The following ALS2CL variants were observed in gnomAD, a reference collection of about 807,000 sequenced individuals.
The protein encoded by ALS2CL is ALS2 C-terminal-like protein.
A neutral mutation model predicts 127.9 loss-of-function variants in ALS2CL; 112 were observed. The observed-to-expected ratio is 0.88, with a 90% confidence interval of 0.75 to 1.02. ALS2CL has a LOEUF of 1.02. ALS2CL is among the 50% of genes least tolerant of loss of function. The pLI is 0.00. For synonymous variants in ALS2CL, 519 were observed against 527.6 expected, an observed-to-expected ratio of 0.98 and a Z score of 0.22; for missense variants, 1,174 against 1,236.7, an observed-to-expected ratio of 0.95 and a Z score of 0.76.
intron 14 of ALS2CL, chr3:46,679,833 A>G (rs1699178940): frequency 6.4e-6 from 1 of 155,484 alleles, no homozygotes; most frequent in African/African-American, 2.4e-5. Context: ...TAACAGGAAC[A>G]GCCATCAGGC....
intron 3 of ALS2CL, among the ~76,000 whole-genome samples, 200 bp from the exon 4 acceptor site, chr3:46,687,884 G>A (rs1268847822): frequency 1.3e-5 from 2 of 152,188 alleles, no homozygotes; most frequent in Non-Finnish European, 2.9e-5. Flanking sequence ...TTCCCTGAGA[G>A]GCCCCAAGCC....
chr3:46,673,346 C>T lies in ALS2CL; in HGVS notation c.2465G>A (p.Ser822Asn). The T allele has an allele frequency of 6.4e-7, 1 of 1,565,290 alleles. No individual in the cohort carries two copies. The highest frequency in any genetic ancestry group is 8.7e-7 in the Non-Finnish European group (1 of 1,154,676). ...LWPLKDLTLT[S>N]NQRYSLVRDK... is the part of the protein sequence containing the mutation. ...CTCTGGCCTCCCTCTCACCTGATTG[C>T]TCGTCAGCGTGAGGTCCTTGAGGGG... The change falls in exon 22 of 26, where the codon AGC becomes AAC. Residue 822 changes from serine (S) to asparagine (N), a missense_variant. Coordinates refer to ENST00000318962, the MANE Select transcript of ALS2CL (RefSeq NM_147129.5).
At position 46,686,588 on chromosome 3, in the gene ALS2CL, G is replaced by A. The variant is rs769673909; in HGVS notation, c.535-149C>T. ...CTCCTCTTCTGCTGGTGGGGCAGGG[G>A]GTGGAATATGAAGGTGCTTCCCCAG... On this transcript the variant is annotated intron_variant, in intron 5 of 25. Coordinates refer to ENST00000318962, the MANE Select transcript of ALS2CL (RefSeq NM_147129.5). This position sits in a 1 kb window ranked among gnomAD's most constrained non-coding sequence, Gnocchi z 4.3. 3.5e-5 allele frequency: 41 copies of A among 1,178,696 alleles called. 1 individual carries two copies. Among genetic ancestry groups the A allele is most frequent in the Non-Finnish European group, 4.6e-5 (39 of 854,764 alleles). The allele number at this position is 1,178,696 out of a possible 1,614,324, so 73.0% of individuals were successfully genotyped here. A position where few individuals can be genotyped will look rare whatever the true frequency, so the allele number is the denominator to read the frequency against.
intron 16 of ALS2CL, 91 bp from the exon 17 acceptor site, chr3:46,677,113 T>C: frequency 1.3e-6 from 2 of 1,502,076 alleles, no homozygotes; most frequent in Non-Finnish European, 1.8e-6. Flanking sequence ...GGGGTGGGGG[T>C]ATGAGCCTGG....
In ALS2CL at chr3:46,681,148, A is replaced by C; in HGVS notation, c.1436+98T>G. On this transcript the variant is annotated intron_variant, in intron 13 of 25. Transcript: ENST00000318962. The surrounding 1 kb of genome is among the most constrained non-coding windows in gnomAD (Gnocchi z 4.9). ...GAAGTGAGGGGCTTAAGAGAGACAC[A>C]GTGGGGGACAAACAGGAGCCTGTGT... The C allele has an allele frequency of 1.3e-6, 2 of 1,559,396 alleles. No individual in the cohort carries two copies. The highest frequency in any genetic ancestry group is 8.8e-7 in the Non-Finnish European group (1 of 1,133,132).
Position 46,676,919 on chromosome 3 carries a change from C to T in ALS2CL, c.1861G>A (p.Ala621Thr), listed in dbSNP as rs759503434. 10 of 1,613,700 alleles carry T rather than the reference C, an allele frequency of 6.2e-6. No homozygotes were observed. Among genetic ancestry groups the T allele is most frequent in the Admixed American group, 3.3e-5 (2 of 60,026 alleles). ...CTCTGCACGTCGAAGCCCAGCAGGG[C>T]CTCCTGCAGGTCCCTGGGGCAGCCA... ...CAGCPRDLQE[A>T]LLGFDVQSSR... The change falls in exon 17 of 26, where the codon GCC (alanine) becomes ACC (threonine). Residue 621 changes from alanine (A) to threonine (T), a missense_variant. Coordinates refer to ENST00000318962, the MANE Select transcript of ALS2CL (RefSeq NM_147129.5).
intron 1 of ALS2CL, among the ~76,000 whole-genome samples, chr3:46,691,173 G>C (rs568311116): frequency 6.6e-6 from 1 of 152,320 alleles, no homozygotes; most frequent in South Asian, 2.1e-4. Flanking sequence ...TAGGGGTGCA[G>C]CCAGGCCCAC....
intron 10 of ALS2CL, among the ~76,000 whole-genome samples, chr3:46,682,798 C>T (rs190251017): frequency 3.5e-4 from 54 of 152,308 alleles, no homozygotes; most frequent in South Asian, 6.2e-4. Context: ...AGAATGTGTG[C>T]AAGCCATTTC....
rs779862439 is a variant in ALS2CL, at chr3:46,676,735, G to A, written c.1935C>T (p.Thr645=). ...TACTGCCCACACTGTCCTCAGGGTG[G>A]GTCCTGGGCACCACACACAGCATCC... is the stretch of plus-strand genomic sequence containing the variant. ...RSQDYLSCER[T]HPEDSVGSME... is the part of the protein sequence containing the mutation. Residue 645 remains threonine, a synonymous_variant, in exon 18 of 26, where the codon ACC becomes ACT. Transcript: ENST00000318962. The A allele has an allele frequency of 3.1e-6, 5 of 1,613,592 alleles. No individual in the cohort carries two copies. The highest frequency in any genetic ancestry group is 1.7e-5 in the Admixed American group (1 of 60,004).
rs1399910018 is a variant in ALS2CL at position 46,669,501 on chromosome 3, C to T, written c.*1483G>A. On this transcript the variant is annotated 3_prime_UTR_variant, in exon 26 of 26. Transcript: ENST00000318962. ...TTTGAGGCCAGGGTCAGGCTGTCCT[C>T]ACTTATCAGGGGACAAGAGCTGGCT... 9 of 152,322 alleles carry T rather than the reference C, an allele frequency of 5.9e-5. 1 individual carries two copies. The East Asian group carries it at 1.7e-3, about 29-fold the overall frequency. 9.4% of individuals were successfully genotyped at this position (152,322 alleles called of 1,614,324 possible).
chr3:46,675,852 T>A, intron 19 of ALS2CL, 166 bp from the exon 20 acceptor site: 2 of 1,457,226 alleles, frequency 1.4e-6, no homozygotes, highest in Non-Finnish European at 1.8e-6. Context: ...AGCTCCAGGA[T>A]GTTAGCCTGA....
intron 10 of ALS2CL, 83 bp from the exon 11 acceptor site, chr3:46,682,177 C>T (rs903242263): frequency 7.0e-7 from 1 of 1,430,542 alleles, no homozygotes; most frequent in Non-Finnish European, 9.7e-7. Context: ...GACGCCCTCC[C>T]TTCCTCTTCC....
In ALS2CL at chr3:46,678,290, G is replaced by A; in HGVS notation, c.1726C>T (p.Leu576Phe). Residue 576 changes from leucine to phenylalanine, a missense_variant, in exon 16 of 26, where the codon CTC becomes TTC. Transcript: ENST00000318962. ...HTQGVLDTAA[L>F]PPDPSSTCKR... ...CAGGTACTGCTCGGGTCTGGTGGGAGGGCAGCCGTGTCCAGCACACCCTGT... is the reference window on the plus strand; with the variant it reads ...CAGGTACTGCTCGGGTCTGGTGGGAAGGCAGCCGTGTCCAGCACACCCTGT... The A allele has an allele frequency of 2.5e-6, 4 of 1,605,554 alleles. No individual in the cohort carries two copies. The highest frequency in any genetic ancestry group is 3.4e-6 in the Non-Finnish European group (4 of 1,173,682).
At chr3:46,680,332 C>A in intron 14 of ALS2CL, 98 bp downstream of exon 14, 5 of 1,317,228 alleles carry the variant, frequency 3.8e-6, no homozygotes, top group Non-Finnish European at 5.3e-6. Context: ...ACACAGCCCC[C>A]TTTCCCATCC....
chr3:46,685,496 T>A lies in ALS2CL; in HGVS notation c.786+29A>T, dbSNP rs758716704. 3.1e-6 allele frequency: 5 copies of A among 1,610,532 alleles called. No homozygotes were observed. In the South Asian group the frequency reaches 5.5e-5, roughly 18 times the overall value. ...CAGACCCCAGAACCCTACTGTGGCCTCAAGACCTTGGGTCAGCCCCACCCC... is the reference window on the plus strand; with the variant it reads ...CAGACCCCAGAACCCTACTGTGGCCACAAGACCTTGGGTCAGCCCCACCCC... On this transcript the variant is annotated intron_variant, in intron 7 of 25. Coordinates refer to ENST00000318962, the MANE Select transcript of ALS2CL (RefSeq NM_147129.5).
chr3:46,687,217 CCTG>C (rs1443027592), intron 4 of ALS2CL, 69 bp from the exon 5 acceptor site: 52 of 1,435,934 alleles, frequency 3.6e-5, no homozygotes, highest in Non-Finnish European at 4.7e-5. Context: ...CCGCCACCTC[CCTG>C]CCCCAGCTAA....
In ALS2CL at chr3:46,669,639, G is replaced by A. The variant is rs529597993; in HGVS notation, c.*1345C>T. ...CCACCCCCTTCCTGGGGGTGTCACA[G>A]GCTCCTGGCAGAACCAGAGCCCATG... On this transcript the variant is annotated 3_prime_UTR_variant, in exon 26 of 26. Transcript: ENST00000318962. The A allele has an allele frequency of 1.3e-5, 2 of 152,266 alleles. No homozygotes were observed. Among genetic ancestry groups the A allele is most frequent in the Non-Finnish European group, 2.9e-5 (2 of 68,080 alleles). The allele number at this position is 152,266 out of a possible 1,614,324, so 9.4% of individuals were successfully genotyped here.
rs1699362326 is a variant in ALS2CL at position 46,681,654 on chromosome 3, C to G, written c.1176-56G>C. 4 of 1,560,136 alleles carry G rather than the reference C, an allele frequency of 2.6e-6. No homozygotes were observed. Among genetic ancestry groups the G allele is most frequent in the East Asian group, 4.5e-5 (2 of 44,436 alleles). ...GCCCTGACCTGAGACGCCCATTACACCTACTCCATGCCACCCAGGAGTATC... is the reference window on the plus strand; with the variant it reads ...GCCCTGACCTGAGACGCCCATTACAGCTACTCCATGCCACCCAGGAGTATC... On this transcript the variant is annotated intron_variant, in intron 11 of 25. Coordinates refer to ENST00000318962, the MANE Select transcript of ALS2CL (RefSeq NM_147129.5). The surrounding 1 kb of genome is among the most constrained non-coding windows in gnomAD (Gnocchi z 4.9).
Position 46,687,082 on chromosome 3 carries a change from C to G in ALS2CL, c.435G>C (p.Ser145=), listed in dbSNP as rs776047647. ...QLLSGVSSEG[S]VGASLGQALH... is the part of the protein sequence containing the mutation. ...GGGCCTGGCCCAGCGATGCGCCCAC[C>G]GAGCCCTCTGAGCTCACACCTGAAA... is the stretch of plus-strand genomic sequence containing the variant. The change falls in exon 5 of 26, where the codon TCG becomes TCC. Residue 145 remains serine, a synonymous_variant. Transcript: ENST00000318962. 1 of 1,592,002 alleles carries G rather than the reference C, an allele frequency of 6.3e-7. No individual in the cohort carries two copies. The highest frequency in any genetic ancestry group is 8.5e-7 in the Non-Finnish European group (1 of 1,176,008).
Sources: allele counts gnomAD v4.1 joint callset (sites outside exome capture counted in the v4.1 genomes callset), GRCh38; gene constraint gnomAD v4.1.1; non-coding constraint Gnocchi (gnomAD v3.1); transcripts MANE v1.5; gene names NCBI Gene and HGNC (gene_info 2026-07-23, HGNC 2026-07-21).